TBC1D19: variants seen among roughly 807,000 people sequenced by gnomAD.
The protein encoded by TBC1D19 is TBC1 domain family member 19, also known as TBC1 domain family, member 19.
A neutral mutation model predicts 89.0 loss-of-function variants in TBC1D19; 60 were observed. The ratio of observed to expected loss-of-function variants is 0.67; its 90% CI spans 0.55 to 0.84. TBC1D19 has a LOEUF of 0.84. Among genes scored for constraint, TBC1D19 ranks in the 40% least tolerant of loss-of-function variants. TBC1D19 has a pLI of 0.00. For synonymous variants in TBC1D19, 189 were observed against 199.7 expected, an observed-to-expected ratio of 0.95 and a Z score of 0.45; for missense variants, 500 against 610.8, an observed-to-expected ratio of 0.82 and a Z score of 1.91.
chr4:26,798,772 G>A, the TBC1D19 span, among the ~76,000 whole-genome samples: 1 of 151,738 alleles, frequency 6.6e-6, no homozygotes, highest in Non-Finnish European at 1.5e-5. Flanking sequence ...AACTAACTCA[G>A]AAAAAGAAAA....
intron 13 of TBC1D19, among the ~76,000 whole-genome samples, chr4:26,696,402 A>G (rs1192060923): frequency 6.6e-6 from 1 of 152,196 alleles, no homozygotes; most frequent in Non-Finnish European, 1.5e-5. Flanking sequence ...CCCTCACGAT[A>G]ATAATGGGAG....
At chr4:26,702,878 G>A (rs76203551) in intron 13 of TBC1D19, among the ~76,000 whole-genome samples, 1,927 of 152,174 alleles carry the variant, frequency 0.013, 35 homozygotes, top group African/African-American at 0.043. Flanking sequence ...CCCTGCCCCC[G>A]GGCCCAGCAG....
At chr4:26,703,910 A>G (rs1249877570) in intron 13 of TBC1D19, among the ~76,000 whole-genome samples, 5 of 147,512 alleles carry the variant, frequency 3.4e-5, no homozygotes, top group Non-Finnish European at 3.0e-5. Flanking sequence ...GCAGTGAGCC[A>G]AGATCGTGCC....
At chr4:26,723,735 G>A (rs1349312765) in intron 15 of TBC1D19, among the ~76,000 whole-genome samples, 3 of 152,118 alleles carry the variant, frequency 2.0e-5, no homozygotes, top group Non-Finnish European at 4.4e-5. Context: ...CATATAAATT[G>A]TCTTTATTCA....
At chr4:26,782,237 G>A in the TBC1D19 span, among the ~76,000 whole-genome samples, 1 of 152,242 alleles carries the variant, frequency 6.6e-6, no homozygotes, top group African/African-American at 2.4e-5. Flanking sequence ...AGAGGGTATG[G>A]AAAGGTTTCT....
chr4:26,853,488 A>T, the TBC1D19 span, among the ~76,000 whole-genome samples: 1 of 152,272 alleles, frequency 6.6e-6, no homozygotes, highest in Non-Finnish European at 1.5e-5. Context: ...AGCGGGCCCA[A>T]TAAATTTGGC....
At chr4:26,766,237 C>G in the TBC1D19 span, among the ~76,000 whole-genome samples, 1 of 152,114 alleles carries the variant, frequency 6.6e-6, no homozygotes, top group Admixed American at 6.5e-5. Context: ...AGAACTTCAC[C>G]CTGAGAGTGC....
At chr4:26,695,699 A>C (rs1433877214) in intron 13 of TBC1D19, among the ~76,000 whole-genome samples, 1 of 152,242 alleles carries the variant, frequency 6.6e-6, no homozygotes, top group Admixed American at 6.5e-5. Flanking sequence ...GTGGGGGCCA[A>C]TATTCAACAT....
the TBC1D19 span, among the ~76,000 whole-genome samples, chr4:26,765,696 A>G: frequency 6.6e-6 from 1 of 152,118 alleles, no homozygotes; most frequent in Non-Finnish European, 1.5e-5. Context: ...GAAGCCTGAT[A>G]TGGTCTAATC....
the TBC1D19 span, among the ~76,000 whole-genome samples, chr4:26,761,541 T>A: frequency 6.6e-6 from 1 of 152,232 alleles, no homozygotes; most frequent in East Asian, 1.9e-4. Context: ...TGATATTTTA[T>A]ATTGACCTTG....
chr4:26,599,220 A>T (rs1485534502), intron 1 of TBC1D19, among the ~76,000 whole-genome samples: 2 of 152,232 alleles, frequency 1.3e-5, no homozygotes, highest in Admixed American at 1.3e-4. Flanking sequence ...TATATCCATT[A>T]GCACTGACAT....
chr4:26,701,219 G>A (rs944269923), intron 13 of TBC1D19, among the ~76,000 whole-genome samples: 22 of 151,994 alleles, frequency 1.4e-4, no homozygotes, highest in African/African-American at 4.6e-4. Context: ...CTTCAAAGCA[G>A]CCATTATAAA....
chr4:26,709,626 TG>T (rs1716004682), intron 13 of TBC1D19, among the ~76,000 whole-genome samples: 1 of 151,974 alleles, frequency 6.6e-6, no homozygotes. Context: ...TTGAGGGGAT[TG>T]GGGTGGGTGA....
the TBC1D19 span, among the ~76,000 whole-genome samples, chr4:26,769,338 G>A: frequency 6.7e-3 from 1,020 of 152,046 alleles, 13 homozygotes; most frequent in African/African-American, 0.023. Context: ...AAGGAAATGT[G>A]TGTTTACATA....
At chr4:26,811,038 A>G in the TBC1D19 span, among the ~76,000 whole-genome samples, 1 of 152,234 alleles carries the variant, frequency 6.6e-6, no homozygotes, top group African/African-American at 2.4e-5. Flanking sequence ...TCATTCTACT[A>G]TAAAGACACA....
At chr4:26,626,346 A>G (rs186264518) in intron 4 of TBC1D19, among the ~76,000 whole-genome samples, 145 of 152,264 alleles carry the variant, frequency 9.5e-4, no homozygotes, top group Non-Finnish European at 1.8e-3. Flanking sequence ...CTGTATTTGA[A>G]GACATACAGT....
chr4:26,637,060 A>G (rs529494815), intron 4 of TBC1D19, 151 bp from the exon 5 acceptor site: 4 of 576,592 alleles, frequency 6.9e-6, no homozygotes, highest in Non-Finnish European at 1.2e-5. Flanking sequence ...TATAGTAGGC[A>G]ATAGTCAGTA....
intron 18 of TBC1D19, among the ~76,000 whole-genome samples, chr4:26,746,643 C>A (rs775855455): frequency 4.6e-5 from 7 of 152,074 alleles, no homozygotes; most frequent in Non-Finnish European, 1.0e-4. Context: ...TATTCCAAGA[C>A]CCCCAGTGGG....
Position 26,755,273 on chromosome 4 carries a change from C to A in TBC1D19, c.*326C>A, listed in dbSNP as rs1481286498. The A allele has an allele frequency of 6.5e-6, 1 of 152,752 alleles. No individual in the cohort carries two copies. Among genetic ancestry groups the A allele is most frequent in the African/African-American group, 2.4e-5 (1 of 41,366 alleles). The allele number at this position is 152,752 out of a possible 1,614,324, so 9.5% of individuals were successfully genotyped here. A position where few individuals can be genotyped will look rare whatever the true frequency, so the allele number is the denominator to read the frequency against. ...ATATATGCAATAAGAACTAAAGATA[C>A]TGTAATAAACTTCAAGAGGTAATGT... is the stretch of plus-strand genomic sequence containing the variant. On this transcript the variant is annotated 3_prime_UTR_variant, in exon 21 of 21. Transcript: ENST00000264866.
Sources: allele counts gnomAD v4.1 joint callset (sites outside exome capture counted in the v4.1 genomes callset), GRCh38; gene constraint gnomAD v4.1.1; transcripts MANE v1.5; gene names NCBI Gene and HGNC (gene_info 2026-07-23, HGNC 2026-07-21).